Variants in UPF2 observed in about 807,000 individuals in gnomAD.
The protein encoded by UPF2 is regulator of nonsense transcripts 2.
A neutral mutation model predicts 141.4 loss-of-function variants in UPF2; 17 were observed. That is an observed-to-expected ratio of 0.12 (90% CI 0.08 to 0.18). The LOEUF is 0.18. Ranked by LOEUF, UPF2 falls within the 10% of genes least tolerant of loss-of-function variation. The probability of loss-of-function intolerance (pLI) is 1.00; values close to 1 mark genes in which losing one functional copy is unlikely to be tolerated. For missense variants in UPF2, 1,152 were observed against 1,515.9 expected (o/e 0.76, Z 3.99); for synonymous variants, 540 against 498.0 (o/e 1.08, Z -1.12).
At chr10:12,038,739 A>AAAAAAACAACAACAACAAC (rs1267177810) in intron 1 of UPF2, among the ~76,000 whole-genome samples, 5 of 151,520 alleles carry the variant, frequency 3.3e-5, no homozygotes, top group African/African-American at 1.2e-4. Flanking sequence ...AAAAATACAA[A>AAAAAAACAACAACAACAAC]AAAAAACAAC....
At chr10:12,032,887 C>T (rs1335446522) in intron 2 of UPF2, among the ~76,000 whole-genome samples, 1 of 151,872 alleles carries the variant, frequency 6.6e-6, no homozygotes, top group African/African-American at 2.4e-5. Flanking sequence ...ATGACAGCTA[C>T]TCAGGAGGCA....
intron 8 of UPF2, among the ~76,000 whole-genome samples, chr10:11,996,171 A>T (rs1236474322): frequency 2.0e-5 from 3 of 152,210 alleles, no homozygotes; most frequent in African/African-American, 2.4e-5. Context: ...GTAACGAATT[A>T]TTTAATGAAT....
At chr10:12,018,157 C>A (rs1834256643) in intron 3 of UPF2, among the ~76,000 whole-genome samples, 1 of 152,086 alleles carries the variant, frequency 6.6e-6, no homozygotes, top group African/African-American at 2.4e-5. Context: ...ATTTAAAAAC[C>A]TAAGGATCGG....
At chr10:11,947,059 G>A (rs537627427) in intron 16 of UPF2, among the ~76,000 whole-genome samples, 235 of 152,284 alleles carry the variant, frequency 1.5e-3, no homozygotes, top group African/African-American at 5.6e-3. Context: ...AAAATTAGCT[G>A]GGCATGGTGG....
At chr10:12,013,413 A>T (rs1276741308) in intron 4 of UPF2, among the ~76,000 whole-genome samples, 1 of 151,470 alleles carries the variant, frequency 6.6e-6, no homozygotes, top group Non-Finnish European at 1.5e-5. Context: ...AGTAGCTGGG[A>T]CTACAGGCAC....
Position 12,035,079 on chromosome 10 carries a change from T to G in UPF2, c.345A>C (p.Glu115Asp). 6.4e-7 allele frequency: 1 copy of G among 1,570,978 alleles called. No homozygotes were observed. The highest frequency in any genetic ancestry group is 1.7e-4 in the Middle Eastern group (1 of 5,834). ...CTTACTTCATCTGAGCAGCTGCTTC[T>G]TCTTCTTGCTGACGTTTGGCCTGCT... is the stretch of plus-strand genomic sequence containing the variant. ...QEEQAKRQQE[E>D]EAAAQMKEKE... The change falls in exon 2 of 22, where the codon GAA (glutamate) becomes GAC (aspartate). Residue 115 changes from glutamate to aspartate, a missense_variant. By Grantham distance (45) the Glu-to-Asp change is conservative. Coordinates refer to ENST00000357604, the MANE Select transcript of UPF2 (RefSeq NM_015542.4).
Position 11,936,306 on chromosome 10 carries a change from G to A in UPF2, c.3546+239C>T, listed in dbSNP as rs951402093. 2.0e-5 allele frequency among the ~76,000 whole-genome samples: 3 copies of A among 151,900 alleles called. No homozygotes were observed. The highest frequency in any genetic ancestry group is 7.3e-5 in the African/African-American group (3 of 41,346). The stretch of plus-strand genomic sequence containing the variant: ...AATCGTTTGAACCTGGGAGGAGGAG[G>A]TTGCAGTGAGCCAAGACCCTGCCAC... On this transcript the variant is annotated intron_variant, in intron 19 of 21. Transcript: ENST00000357604. This position sits in a 1 kb window ranked among gnomAD's most constrained non-coding sequence, Gnocchi z 6.6.
chr10:11,945,004 G>A (rs1024096318), intron 16 of UPF2, among the ~76,000 whole-genome samples: 2 of 152,214 alleles, frequency 1.3e-5, no homozygotes, highest in Non-Finnish European at 2.9e-5. Flanking sequence ...AGGGTAGTAT[G>A]AGAAATGGTA....
chr10:11,938,796 G>A (rs1441153565), intron 18 of UPF2, among the ~76,000 whole-genome samples: 1 of 141,362 alleles, frequency 7.1e-6, no homozygotes, highest in Non-Finnish European at 1.5e-5. Flanking sequence ...CAGTAAAACA[G>A]TTGAGAACAA....
Position 11,931,574 on chromosome 10 carries a change from C to G in UPF2, c.3688+67G>C. On this transcript the variant is annotated intron_variant, in intron 20 of 21. Coordinates refer to ENST00000357604, the MANE Select transcript of UPF2 (RefSeq NM_015542.4). This position sits in a 1 kb window ranked among gnomAD's most constrained non-coding sequence, Gnocchi z 5.9. The stretch of plus-strand genomic sequence containing the variant: ...AAAAATATGACATGAGAAGATGAGA[C>G]AAAATAACAATTTTGATGCTCAAAA... The G allele has an allele frequency of 6.8e-7, 1 of 1,462,618 alleles. No individual in the cohort carries two copies. 90.6% of individuals were successfully genotyped at this position (1,462,618 alleles called of 1,614,324 possible).
Position 11,959,291 on chromosome 10 carries a change from A to G in UPF2, c.2250T>C (p.Asn750=), listed in dbSNP as rs1003437943. 1.2e-6 allele frequency: 2 copies of G among 1,610,220 alleles called. No individual in the cohort carries two copies. The highest frequency in any genetic ancestry group is 1.3e-5 in the African/African-American group (1 of 74,598). Residue 750 remains asparagine, a synonymous_variant, in exon 12 of 22, where the codon AAT becomes AAC. Coordinates refer to ENST00000357604, the MANE Select transcript of UPF2 (RefSeq NM_015542.4). The surrounding 1 kb of genome is among the most constrained non-coding windows in gnomAD (Gnocchi z 5.9). ...LDARYVTMVE[N]AYYYCNPPPA... is the part of the protein sequence containing the mutation. ...GAGGTGGGTTGCAGTAGTAATATGC[A>G]TTCTCTACCATTGTGACGTATCTCG...
rs772331332 is a variant in UPF2, at chr10:12,001,696, T to C, written c.1634A>G (p.Lys545Arg). ...TTTACCTTGTTCATCAAGAAGTTTC[T>C]TTGTAAGATCTTCAGCTTCATCTCC... Reference protein sequence around the residue: ...EGGDEAEDLTKKLLDEQEQED... With the variant: ...EGGDEAEDLTRKLLDEQEQED... The change falls in exon 6 of 22, where the codon AAG becomes AGG. Residue 545 changes from lysine (K) to arginine (R), a missense_variant. Coordinates refer to ENST00000357604, the MANE Select transcript of UPF2 (RefSeq NM_015542.4). 6.2e-7 allele frequency: 1 copy of C among 1,601,224 alleles called. No individual in the cohort carries two copies. The highest frequency in any genetic ancestry group is 1.1e-5 in the South Asian group (1 of 87,534).
chr10:11,966,135 A>G (rs1224691029), intron 10 of UPF2, among the ~76,000 whole-genome samples: 2 of 152,196 alleles, frequency 1.3e-5, no homozygotes, highest in Non-Finnish European at 2.9e-5. Flanking sequence ...ATCCATAGGC[A>G]TTTGAAAAGA....
At position 11,936,107 on chromosome 10, in the gene UPF2, C is replaced by A. The variant is rs889895039; in HGVS notation, c.3546+438G>T. Among the ~76,000 whole-genome samples, 1 of 152,154 alleles carries A rather than the reference C, an allele frequency of 6.6e-6. No homozygotes were observed. The highest frequency in any genetic ancestry group is 2.4e-5 in the African/African-American group (1 of 41,422). Reference sequence around the variant, plus strand: ...ATAAGGGGCCAAGTGCAGTTGCTCACGCCTATAATCCAAGCACTTTGGGAG... The same window carrying A: ...ATAAGGGGCCAAGTGCAGTTGCTCAAGCCTATAATCCAAGCACTTTGGGAG... On this transcript the variant is annotated intron_variant, in intron 19 of 21. Coordinates refer to ENST00000357604, the MANE Select transcript of UPF2 (RefSeq NM_015542.4). This position sits in a 1 kb window ranked among gnomAD's most constrained non-coding sequence, Gnocchi z 6.6.
chr10:11,958,488 T>C (rs552896506), intron 12 of UPF2, among the ~76,000 whole-genome samples: 25 of 152,344 alleles, frequency 1.6e-4, no homozygotes, highest in Non-Finnish European at 2.9e-5. Context: ...TTGAAACAAC[T>C]ACTGCCTCTG....
At chr10:12,034,254 C>A (rs1834578441) in intron 2 of UPF2, among the ~76,000 whole-genome samples, 3 of 152,148 alleles carry the variant, frequency 2.0e-5, no homozygotes, top group Admixed American at 1.3e-4. Flanking sequence ...CATCAGCCAA[C>A]TGAAGGTTTT....
chr10:11,975,002 T>C (rs1180553141), intron 9 of UPF2, among the ~76,000 whole-genome samples: 9 of 152,242 alleles, frequency 5.9e-5, no homozygotes, highest in Non-Finnish European at 1.0e-4. Context: ...TGGGGGTATA[T>C]AGTCAACTTA....
At chr10:11,960,816 G>A (rs1219960023) in intron 11 of UPF2, among the ~76,000 whole-genome samples, 2 of 151,774 alleles carry the variant, frequency 1.3e-5, no homozygotes, top group Admixed American at 1.3e-4. Context: ...AAGTAGCCAG[G>A]TGCACTGGCT....
intron 6 of UPF2, 34 bp from the exon 7 acceptor site, chr10:12,000,043 A>T (rs752563929): frequency 1.6e-5 from 24 of 1,511,804 alleles, no homozygotes; most frequent in Non-Finnish European, 2.1e-5. Context: ...TAGGTTAAAA[A>T]AAAAAGAGAA....
Sources: allele counts gnomAD v4.1 joint callset (sites outside exome capture counted in the v4.1 genomes callset), GRCh38; gene constraint gnomAD v4.1.1; non-coding constraint Gnocchi (gnomAD v3.1); transcripts MANE v1.5; gene names NCBI Gene and HGNC (gene_info 2026-07-23, HGNC 2026-07-21).